Variants in COL11A1 observed in about 807,000 individuals in gnomAD.
COL11A1 encodes collagen alpha-1(XI) chain.
In COL11A1, 74 loss-of-function variants were observed where a neutral mutation model predicts 265.2. The ratio of observed to expected loss-of-function variants is 0.28; its 90% CI spans 0.23 to 0.34. The LOEUF (loss-of-function observed/expected upper bound fraction) is 0.34, where lower values mean the gene tolerates loss of function less well. Ranked by LOEUF, COL11A1 falls within the 10% of genes least tolerant of loss-of-function variation. COL11A1 has a pLI of 1.00. For synonymous variants in COL11A1, 816 were observed against 727.6 expected (o/e 1.12, Z -1.96); for missense variants, 2,165 against 2,263.6 (o/e 0.96, Z 0.88).
At chr1:102,965,124 T>C (rs1418095349) in intron 38 of COL11A1, among the ~76,000 whole-genome samples, 1 of 152,182 alleles carries the variant, frequency 6.6e-6, no homozygotes, top group Non-Finnish European at 1.5e-5. Flanking sequence ...TGAAGTCATT[T>C]TATAATTTAA....
At position 102,975,120 on chromosome 1, in the gene COL11A1, T is replaced by C. The variant is rs541731709; in HGVS notation, c.2755-237A>G. Among the ~76,000 whole-genome samples, 5 of 152,294 alleles carry C rather than the reference T, an allele frequency of 3.3e-5. No homozygotes were observed. In the East Asian group the frequency reaches 7.7e-4, roughly 24 times the overall value. On this transcript the variant is annotated intron_variant, in intron 35 of 66. Transcript: ENST00000370096. ...CACATCAATGTTACCTCAGGAACAC[T>C]GTAAATATTTAGAATTCATATCAAT...
chr1:102,939,076 C>G lies in COL11A1; in HGVS notation c.3397G>C (p.Glu1133Gln), dbSNP rs757517185. The G allele has an allele frequency of 2.5e-6, 4 of 1,613,670 alleles. No homozygotes were observed. The highest frequency in any genetic ancestry group is 3.4e-6 in the Non-Finnish European group (4 of 1,179,784). Residue 1133 changes from glutamate to glutamine, a missense_variant, in exon 44 of 67, where the codon GAG (glutamate) becomes CAG (glutamine). By Grantham distance (29) the Glu-to-Gln change is conservative. Transcript: ENST00000370096. ...GEDGDKGEIG[E>Q]PGQKGSKGDK... The stretch of plus-strand genomic sequence containing the variant: ...CCCTTGCTGCCTTTTTGTCCCGGCT[C>G]ACCAATTTCACCCTGAAATTGAAAG...
intron 46 of COL11A1, among the ~76,000 whole-genome samples, chr1:102,927,843 T>A (rs1307453598): frequency 6.6e-6 from 1 of 152,154 alleles, no homozygotes; most frequent in Non-Finnish European, 1.5e-5. Context: ...ATCGACTTAA[T>A]TTATTTTACC....
At chr1:103,021,653 G>T in intron 9 of COL11A1, 54 bp downstream of exon 9, 1 of 1,102,854 alleles carries the variant, frequency 9.1e-7, no homozygotes, top group East Asian at 2.4e-5. Context: ...TAACATAATC[G>T]TGGCTCATAA....
intron 28 of COL11A1, among the ~76,000 whole-genome samples, chr1:102,992,283 A>G (rs1425328293): frequency 6.6e-6 from 1 of 152,078 alleles, no homozygotes; most frequent in Non-Finnish European, 1.5e-5. Flanking sequence ...CAGATAAAGA[A>G]AAAAAGAAGA....
chr1:103,013,407 C>T (rs565988103), intron 13 of COL11A1, among the ~76,000 whole-genome samples: 2 of 151,804 alleles, frequency 1.3e-5, no homozygotes, highest in East Asian at 3.9e-4. Context: ...ATTCAATGAC[C>T]TCATAAAATA....
intron 4 of COL11A1, among the ~76,000 whole-genome samples, chr1:103,063,344 C>T (rs183738565): frequency 1.9e-3 from 296 of 151,926 alleles, no homozygotes; most frequent in Non-Finnish European, 3.5e-3. Context: ...ATGAATACAA[C>T]GTAGTATTGG....
intron 40 of COL11A1, 104 bp from the exon 41 acceptor site, chr1:102,962,023 G>C: frequency 8.9e-7 from 1 of 1,123,070 alleles, no homozygotes; most frequent in Non-Finnish European, 1.3e-6. Flanking sequence ...AATGTTTATA[G>C]ACATAACTAC....
At chr1:102,885,873 G>A (rs1282808575) in intron 63 of COL11A1, among the ~76,000 whole-genome samples, 2 of 152,016 alleles carry the variant, frequency 1.3e-5, no homozygotes, top group African/African-American at 2.4e-5. Context: ...GTATAGGAAC[G>A]CTAATAATTA....
chr1:103,059,054 G>C (rs566684593), intron 4 of COL11A1, among the ~76,000 whole-genome samples: 23 of 152,196 alleles, frequency 1.5e-4, no homozygotes, highest in Non-Finnish European at 3.2e-4. Flanking sequence ...GATGCCAACA[G>C]ACTTGCTTGA....
chr1:103,097,918 T>C (rs1280786716), intron 1 of COL11A1, among the ~76,000 whole-genome samples: 3 of 151,956 alleles, frequency 2.0e-5, no homozygotes, highest in Non-Finnish European at 4.4e-5. Context: ...GACTCAATCC[T>C]GAACTTTTTT....
intron 1 of COL11A1, among the ~76,000 whole-genome samples, chr1:103,107,369 G>C (rs1419054029): frequency 6.6e-6 from 1 of 150,834 alleles, no homozygotes; most frequent in Non-Finnish European, 1.5e-5. Flanking sequence ...CGTCCAACCT[G>C]CAAGAAGAAG....
intron 46 of COL11A1, 75 bp downstream of exon 46, chr1:102,934,374 T>C (rs528028949): frequency 2.9e-6 from 3 of 1,047,204 alleles, no homozygotes; most frequent in African/African-American, 3.2e-5. Flanking sequence ...AAAAATACTT[T>C]GTTTTACATC....
At chr1:103,072,595 A>C (rs1671679130) in intron 4 of COL11A1, among the ~76,000 whole-genome samples, 3 of 151,812 alleles carry the variant, frequency 2.0e-5, no homozygotes, top group Non-Finnish European at 2.9e-5. Context: ...AACATACTCG[A>C]ATAAGTTTTT....
At chr1:103,030,158 C>T (rs1384861489) in intron 5 of COL11A1, among the ~76,000 whole-genome samples, 1 of 151,994 alleles carries the variant, frequency 6.6e-6, no homozygotes, top group African/African-American at 2.4e-5. Flanking sequence ...AACTGTGAAA[C>T]AGGTAAATAA....
Position 102,886,745 on chromosome 1 carries a change from C to G in COL11A1, c.4858+62G>C. The G allele has an allele frequency of 1.2e-6, 2 of 1,603,394 alleles. 1 individual carries two copies. The highest frequency in any genetic ancestry group is 2.2e-5 in the South Asian group (2 of 90,626). On this transcript the variant is annotated intron_variant, in intron 63 of 66. Transcript: ENST00000370096. ...ACATTTAACTAGAATGAATGAGCTG[C>G]CAATGCACCTCAGAAACTCAGGGGC...
In COL11A1 at chr1:103,078,783, C is replaced by A. The variant is rs1238295283; in HGVS notation, c.363G>T (p.Glu121Asp). 5 of 1,612,534 alleles carry A rather than the reference C, an allele frequency of 3.1e-6. No homozygotes were observed. The highest frequency in any genetic ancestry group is 1.3e-5 in the African/African-American group (1 of 74,804). Residue 121 changes from glutamate to aspartate, a missense_variant, in exon 3 of 67, where the codon GAG (glutamate) becomes GAT (aspartate). Coordinates refer to ENST00000370096, the MANE Select transcript of COL11A1 (RefSeq NM_001854.4). ...CAACACCAATTTGCTGAATACCATGCTCATTATATATAGATAAAAGGAAAG... is the reference window on the plus strand; with the variant it reads ...CAACACCAATTTGCTGAATACCATGATCATTATATATAGATAAAAGGAAAG... ...IQSFLLSIYN[E>D]HGIQQIGVEV...
At chr1:102,914,551 A>G (rs1655079235) in intron 51 of COL11A1, 146 bp from the exon 52 acceptor site, 3 of 996,686 alleles carry the variant, frequency 3.0e-6, no homozygotes, top group Non-Finnish European at 4.5e-6. Flanking sequence ...CTAAAGAATT[A>G]ATTCAATTGA....
rs561171412 is a variant in COL11A1 at position 103,057,969 on chromosome 1, G to A, written c.651+16649C>T. On this transcript the variant is annotated intron_variant, in intron 4 of 66. Transcript: ENST00000370096. ...TCCCCTAACAAGAGAGTTTGAAGCT[G>A]TCCTTTGAAGCTTTAAAGCCAGGCA... 9.9e-5 allele frequency among the ~76,000 whole-genome samples: 15 copies of A among 152,262 alleles called. No homozygotes were observed. In the South Asian group the frequency reaches 3.1e-3, roughly 32 times the overall value.
Sources: allele counts gnomAD v4.1 joint callset (sites outside exome capture counted in the v4.1 genomes callset), GRCh38; gene constraint gnomAD v4.1.1; transcripts MANE v1.5; gene names NCBI Gene and HGNC (gene_info 2026-07-23, HGNC 2026-07-21).